PRB2: variants seen among roughly 807,000 people sequenced by gnomAD.
PRB2 encodes basic salivary proline-rich protein 2.
Under a neutral mutation model 8.3 loss-of-function variants are expected in PRB2, and 12 were observed. The observed-to-expected ratio is 1.45, with a 90% CI of 0.93 to 2.35. The LOEUF is 2.35. PRB2 is among the 30% of genes most tolerant of loss of function. The pLI is 0.00. For synonymous variants in PRB2, 146 were observed against 180.0 expected (o/e 0.81, Z 1.51); for missense variants, 470 against 507.0 (o/e 0.93, Z 0.70).
Position 11,391,762 on chromosome 12 carries a change from T to C in PRB2, c.*34-114A>G, listed in dbSNP as rs1237338644. On this transcript the variant is annotated intron_variant, in intron 3 of 3. Coordinates refer to ENST00000389362, the MANE Select transcript of PRB2 (RefSeq NM_006248.4). The stretch of plus-strand genomic sequence containing the variant: ...CATGAGAGCCCATCCTCTCTCCCCC[T>C]ATCCCTTCTACCTCCTGTGTTTCCT... 21 of 225,182 alleles carry C rather than the reference T, an allele frequency of 9.3e-5. No individual in the cohort carries two copies. The East Asian group carries it at 2.6e-3, about 28-fold the overall frequency. The allele number at this position is 225,182 out of a possible 1,614,324, so 13.9% of individuals were successfully genotyped here. A position where few individuals can be genotyped will look rare whatever the true frequency, so the allele number is the denominator to read the frequency against.
At chr12:11,394,383 A>G (rs1864375130) in intron 2 of PRB2, 112 bp downstream of exon 2, 3 of 1,325,540 alleles carry the variant, frequency 2.3e-6, no homozygotes, top group Admixed American at 3.4e-5. Context: ...TAGGAGCACT[A>G]ACATTAATCA....
chr12:11,394,570 T>C, intron 1 of PRB2, 40 bp from the exon 2 acceptor site: 1 of 1,607,132 alleles, frequency 6.2e-7, no homozygotes, highest in Middle Eastern at 1.7e-4. Context: ...AGTTACATCT[T>C]GAACCTTACA....
intron 2 of PRB2, among the ~76,000 whole-genome samples, chr12:11,394,197 A>T (rs1231614676): frequency 6.6e-6 from 1 of 152,160 alleles, no homozygotes; most frequent in African/African-American, 2.4e-5. Flanking sequence ...CATTATAAAG[A>T]GGAGACAGAA....
At chr12:11,394,232 C>A (rs745783199) in intron 2 of PRB2, among the ~76,000 whole-genome samples, 5 of 152,270 alleles carry the variant, frequency 3.3e-5, no homozygotes, top group Non-Finnish European at 4.4e-5. Context: ...ATTTGTCTGT[C>A]ATCTCCCAGC....
In PRB2 at chr12:11,395,503, G is replaced by A. The variant is rs373770323; in HGVS notation, c.27C>T (p.Ala9=). 1.9e-6 allele frequency: 3 copies of A among 1,613,342 alleles called. No individual in the cohort carries two copies. Among genetic ancestry groups the A allele is most frequent in the Non-Finnish European group, 2.5e-6 (3 of 1,179,758 alleles). MLLILLSV[A]LLALSSAQNL... ...TCTGAGCTGAGCTCAGGGCCAGCAAGGCCACTGACAGCAGAATCAACAGCA... is the reference window on the plus strand; with the variant it reads ...TCTGAGCTGAGCTCAGGGCCAGCAAAGCCACTGACAGCAGAATCAACAGCA... Residue 9 remains alanine (A), a synonymous_variant, in exon 1 of 4, where the codon GCC becomes GCT. Transcript: ENST00000389362.
In PRB2 at chr12:11,393,180, G is replaced by A; in HGVS notation, c.898C>T (p.Pro300Ser). The change falls in exon 3 of 4, where the codon CCT becomes TCT. Residue 300 changes from proline to serine, a missense_variant. Around this residue, in one of 4 missense-constraint regions of PRB2, gnomAD observed 205 missense variants for 195.0 expected, o/e 1.05. Coordinates refer to ENST00000389362, the MANE Select transcript of PRB2 (RefSeq NM_006248.4). ...GGSKSRSSRS[P>S]PGKPQGPPPQ... Reference sequence around the variant, plus strand: ...GGTGGTCCTTGTGGCTTTCCTGGAGGAGATCGAGAACTTCGGGACTTGCTG... The same window carrying A: ...GGTGGTCCTTGTGGCTTTCCTGGAGAAGATCGAGAACTTCGGGACTTGCTG... 1 of 1,598,798 alleles carries A rather than the reference G, an allele frequency of 6.3e-7. No individual in the cohort carries two copies. Among genetic ancestry groups the A allele is most frequent in the Non-Finnish European group, 8.5e-7 (1 of 1,176,376 alleles).
Position 11,393,019 on chromosome 12 carries a change from G to A in PRB2, c.1059C>T (p.Gly353=). The A allele has an allele frequency of 1.2e-6, 2 of 1,609,534 alleles. No homozygotes were observed. Among genetic ancestry groups the A allele is most frequent in the Non-Finnish European group, 1.7e-6 (2 of 1,178,484 alleles). Residue 353 remains glycine (G), a synonymous_variant, in exon 3 of 4, where the codon GGC becomes GGT. Transcript: ENST00000389362. ...GKPQGPPPQG[G]SKSRSARSPP... is the part of the protein sequence containing the mutation. ...GAGATCGGGCACTTCGGGACTTGCT[G>A]CCTCCTTGTGGGGGTGGTCCTTGTG...
chr12:11,393,880 G>T lies in PRB2; in HGVS notation c.198C>A (p.Asn66Lys), dbSNP rs1592226274. 1 of 1,486,268 alleles carries T rather than the reference G, an allele frequency of 6.7e-7. No individual in the cohort carries two copies. The highest frequency in any genetic ancestry group is 1.5e-5 in the African/African-American group (1 of 64,584). 92.1% of individuals were successfully genotyped at this position (1,486,268 alleles called of 1,614,324 possible). Reference sequence around the variant, plus strand: ...GAGGAGGTGGGGGACCTTGAGGCTGGTTGCCTCCTTGTGGGGGTGGTCCTT... The same window carrying T: ...GAGGAGGTGGGGGACCTTGAGGCTGTTTGCCTCCTTGTGGGGGTGGTCCTT... ...KPQGPPPQGG[N>K]QPQGPPPPPG... The change falls in exon 3 of 4, where the codon AAC (asparagine) becomes AAA (lysine). Residue 66 changes from asparagine to lysine, a missense_variant. This residue lies in a region of PRB2 where 211 missense variants were observed against 207.7 expected (regional missense o/e 1.02). Coordinates refer to ENST00000389362, the MANE Select transcript of PRB2 (RefSeq NM_006248.4).
Position 11,393,372 on chromosome 12 carries a change from G to T in PRB2, c.706C>A (p.Arg236=). The change falls in exon 3 of 4, where the codon CGA becomes AGA. Residue 236 remains arginine, a synonymous_variant. Transcript: ENST00000389362. ...CCTTGTGGCTTTCCTGGAGGAGATCGGGCACTTTGGGACTTGTTGTCTCCT... is the reference window on the plus strand; with the variant it reads ...CCTTGTGGCTTTCCTGGAGGAGATCTGGCACTTTGGGACTTGTTGTCTCCT... The part of the protein sequence containing the change: ...PQGDNKSQSA[R]SPPGKPQGPP... 1 of 1,596,096 alleles carries T rather than the reference G, an allele frequency of 6.3e-7. No individual in the cohort carries two copies. The highest frequency in any genetic ancestry group is 1.1e-5 in the South Asian group (1 of 90,086).
chr12:11,393,111 C>A lies in PRB2; in HGVS notation c.967G>T (p.Gly323Ter). ...TGTGGGGGTGGTCCTTGTGGCTTTC[C>A]TGGAGGAGGTGGGGGACCTTGAGGC... ...NQPQGPPPPP[G>*]KPQGPPPQGG... The change falls in exon 3 of 4, where the codon GGA (glycine) becomes TGA (stop). Residue 323 changes from glycine (G) to a stop codon, truncating the protein, a stop_gained. Coordinates refer to ENST00000389362, the MANE Select transcript of PRB2 (RefSeq NM_006248.4). LOFTEE classifies it low-confidence loss of function (END_TRUNC). 6.4e-7 allele frequency: 1 copy of A among 1,556,752 alleles called. No homozygotes were observed. Among genetic ancestry groups the A allele is most frequent in the Non-Finnish European group, 8.6e-7 (1 of 1,157,472 alleles).
chr12:11,393,902 C>T lies in PRB2; in HGVS notation c.176G>A (p.Gly59Glu), dbSNP rs372704597. The T allele has an allele frequency of 2.7e-6, 4 of 1,469,906 alleles. No individual in the cohort carries two copies. Among genetic ancestry groups the T allele is most frequent in the South Asian group, 2.4e-5 (2 of 83,056 alleles). The allele number at this position is 1,469,906 out of a possible 1,614,324, so 91.1% of individuals were successfully genotyped here. A position where few individuals can be genotyped will look rare whatever the true frequency, so the allele number is the denominator to read the frequency against. Residue 59 changes from glycine (G) to glutamate (E), a missense_variant, in exon 3 of 4, where the codon GGA becomes GAA. Gly to Glu is a moderately conservative substitution (Grantham distance 98). Coordinates refer to ENST00000389362, the MANE Select transcript of PRB2 (RefSeq NM_006248.4). ...CTGGTTGCCTCCTTGTGGGGGTGGT[C>T]CTTGTGGCTTTCCTGGAGGAGATGG... Reference protein sequence around the residue: ...GPPSPPGKPQGPPPQGGNQPQ... With the variant: ...GPPSPPGKPQEPPPQGGNQPQ...
intron 3 of PRB2, among the ~76,000 whole-genome samples, chr12:11,391,855 G>A (rs562573207): frequency 1.6e-4 from 23 of 140,690 alleles, no homozygotes; most frequent in Admixed American, 8.7e-4. Flanking sequence ...TGTTCCTTAC[G>A]TGATGAAGAC....
chr12:11,394,732 A>G (rs550837749), intron 1 of PRB2, among the ~76,000 whole-genome samples: 5 of 152,292 alleles, frequency 3.3e-5, no homozygotes, highest in South Asian at 2.1e-4. Context: ...ACAGCCATGA[A>G]CTCAACATAG....
At position 11,393,083 on chromosome 12, in the gene PRB2, C is replaced by G. The variant is rs1446038902; in HGVS notation, c.995G>C (p.Gly332Ala). The G allele has an allele frequency of 7.1e-7, 1 of 1,416,120 alleles. No homozygotes were observed. The highest frequency in any genetic ancestry group is 9.3e-7 in the Non-Finnish European group (1 of 1,074,190). The allele number at this position is 1,416,120 out of a possible 1,614,324, so 87.7% of individuals were successfully genotyped here. Residue 332 changes from glycine (G) to alanine (A), a missense_variant, in exon 3 of 4, where the codon GGA becomes GCA. This residue lies in a region of PRB2 where 205 missense variants were observed against 195.0 expected (regional missense o/e 1.05). Transcript: ENST00000389362. ...PGKPQGPPPQ[G>A]GNKPQGPPPP... Reference sequence around the variant, plus strand: ...TGGGGGACCTTGAGGTTTGTTGCCTCCTTGTGGGGGTGGTCCTTGTGGCTT... The same window carrying G: ...TGGGGGACCTTGAGGTTTGTTGCCTGCTTGTGGGGGTGGTCCTTGTGGCTT...
At chr12:11,394,879 T>G (rs1172148825) in intron 1 of PRB2, among the ~76,000 whole-genome samples, 1 of 152,216 alleles carries the variant, frequency 6.6e-6, no homozygotes, top group African/African-American at 2.4e-5. Context: ...TATGTACACA[T>G]GCTTTCTCAA....
chr12:11,395,265 A>G (rs1276672795), intron 1 of PRB2, among the ~76,000 whole-genome samples: 1 of 152,076 alleles, frequency 6.6e-6, no homozygotes, highest in Non-Finnish European at 1.5e-5. Context: ...CCTGGAACAA[A>G]TTCTTTATTG....
chr12:11,394,421 A>G, intron 2 of PRB2, 74 bp downstream of exon 2: 1 of 1,527,798 alleles, frequency 6.5e-7, no homozygotes, highest in Non-Finnish European at 9.1e-7. Context: ...TTTGATAAGA[A>G]GACACTGGAG....
rs1290129888 is a variant in PRB2, at chr12:11,393,778, T to C, written c.300A>G (p.Gly100=). 1.3e-6 allele frequency: 2 copies of C among 1,594,498 alleles called. No homozygotes were observed. Among genetic ancestry groups the C allele is most frequent in the East Asian group, 2.3e-5 (1 of 43,956 alleles). The change falls in exon 3 of 4, where the codon GGA becomes GGG. Residue 100 remains glycine, a synonymous_variant. Transcript: ENST00000389362. Reference sequence around the variant, plus strand: ...GGGACTTGTCTCCTTGTGGGGGTGGTCCTTGTGGCTTTCCTGGAGGTGGGG... The same window carrying C: ...GGGACTTGTCTCCTTGTGGGGGTGGCCCTTGTGGCTTTCCTGGAGGTGGGG... ...QGPPPPGKPQ[G]PPPQGDKSRS...
At chr12:11,394,671 G>C (rs746086390) in intron 1 of PRB2, 141 bp from the exon 2 acceptor site, 9 of 1,157,160 alleles carry the variant, frequency 7.8e-6, no homozygotes, top group Non-Finnish European at 1.2e-5. Flanking sequence ...CTGTGAAGCT[G>C]CTGGAAGGGG....
Sources: gnomAD v4.1 joint callset for allele counts (sites outside exome capture counted in the v4.1 genomes callset) on GRCh38, gnomAD v4.1.1 for gene constraint, gnomAD v4.1.1 regional missense constraint, MANE v1.5 for transcripts, NCBI Gene and HGNC (gene_info 2026-07-23, HGNC 2026-07-21) for gene names.